MAGI1: variants seen among roughly 807,000 people sequenced by gnomAD.
MAGI1 encodes membrane associated guanylate kinase, WW and PDZ domain containing 1.
Under a neutral mutation model 139.9 loss-of-function variants are expected in MAGI1, and 58 were observed. The ratio of observed to expected loss-of-function variants is 0.41; its 90% CI spans 0.34 to 0.52. The LOEUF (loss-of-function observed/expected upper bound fraction) is 0.52. MAGI1 is among the 20% of genes least tolerant of loss of function. MAGI1 has a pLI of 0.12. For missense variants in MAGI1, 1,874 were observed against 1,901.6 expected, an observed-to-expected ratio of 0.99 and a Z score of 0.27; for synonymous variants, 812 against 737.9, an observed-to-expected ratio of 1.10 and a Z score of -1.63.
At chr3:65,716,233 G>C (rs986447427) in intron 1 of MAGI1, among the ~76,000 whole-genome samples, 30 of 152,308 alleles carry the variant, frequency 2.0e-4, no homozygotes, top group African/African-American at 6.3e-4. Context: ...CACAGAGAAT[G>C]ATACAGGGAC....
chr3:65,767,326 C>T (rs1455496642), intron 1 of MAGI1, among the ~76,000 whole-genome samples: 1 of 151,746 alleles, frequency 6.6e-6, no homozygotes, highest in Non-Finnish European at 1.5e-5. Context: ...AGACTTTAGG[C>T]CAGGGCAGTG....
At chr3:65,471,023 A>C (rs1024591599) in intron 4 of MAGI1, among the ~76,000 whole-genome samples, 1 of 152,206 alleles carries the variant, frequency 6.6e-6, no homozygotes, top group Admixed American at 6.5e-5. Context: ...ATGGTTAATT[A>C]AGCTGAAACG....
chr3:65,754,295 A>T (rs2107839009), intron 1 of MAGI1, among the ~76,000 whole-genome samples: 1 of 152,294 alleles, frequency 6.6e-6, no homozygotes, highest in South Asian at 2.1e-4. Flanking sequence ...ATTAATTTCC[A>T]TCCTCATTCA....
intron 1 of MAGI1, among the ~76,000 whole-genome samples, chr3:65,886,760 A>AT (rs1323302073): frequency 1.3e-5 from 2 of 152,248 alleles, no homozygotes; most frequent in Non-Finnish European, 2.9e-5. Context: ...AGACCGTTAC[A>AT]TAAGGTAGAA....
At chr3:65,481,847 A>C (rs181043632) in intron 3 of MAGI1, among the ~76,000 whole-genome samples, 90 of 152,348 alleles carry the variant, frequency 5.9e-4, no homozygotes, top group Non-Finnish European at 1.1e-3. Flanking sequence ...TCACTTTTCA[A>C]GTTCAAAATC....
chr3:65,387,979 A>G (rs2106953854), intron 14 of MAGI1, among the ~76,000 whole-genome samples: 1 of 152,360 alleles, frequency 6.6e-6, no homozygotes, highest in Admixed American at 6.5e-5. Context: ...TTTTGTAGTA[A>G]ATGCTACTGG....
intron 1 of MAGI1, among the ~76,000 whole-genome samples, chr3:65,727,834 G>C (rs1396936858): frequency 1.3e-5 from 2 of 152,166 alleles, no homozygotes; most frequent in African/African-American, 4.8e-5. Context: ...GAGGCAGACA[G>C]ATGATAGGAA....
intron 1 of MAGI1, among the ~76,000 whole-genome samples, chr3:65,623,553 A>G (rs749102493): frequency 1.9e-4 from 29 of 152,176 alleles, no homozygotes; most frequent in Non-Finnish European, 3.5e-4. Context: ...ACAAGATACA[A>G]ATTAGGTAAG....
intron 1 of MAGI1, among the ~76,000 whole-genome samples, chr3:65,738,506 T>C (rs928389811): frequency 1.3e-5 from 2 of 152,148 alleles, no homozygotes; most frequent in African/African-American, 2.4e-5. Flanking sequence ...TCTAGAATGG[T>C]AAATTGTTTC....
chr3:65,503,491 A>G (rs1297301307), intron 2 of MAGI1, among the ~76,000 whole-genome samples: 1 of 152,210 alleles, frequency 6.6e-6, no homozygotes, highest in Non-Finnish European at 1.5e-5. Flanking sequence ...TCTATCCCAG[A>G]TCTCAACACA....
intron 1 of MAGI1, among the ~76,000 whole-genome samples, chr3:66,031,925 G>A (rs2107599437): frequency 6.6e-6 from 1 of 152,268 alleles, no homozygotes; most frequent in Non-Finnish European, 1.5e-5. Context: ...ACGTTTAGAG[G>A]CTCACTTGTT....
intron 1 of MAGI1, among the ~76,000 whole-genome samples, chr3:65,666,165 T>C (rs1044250478): frequency 1.3e-5 from 2 of 152,198 alleles, no homozygotes; most frequent in African/African-American, 4.8e-5. Context: ...GGATTCACCA[T>C]CAACTCCCTG....
chr3:65,919,430 G>A (rs983373337), intron 1 of MAGI1, among the ~76,000 whole-genome samples: 3 of 151,736 alleles, frequency 2.0e-5, no homozygotes, highest in Non-Finnish European at 4.4e-5. Context: ...CAGGAGTGGC[G>A]CACGCTCCTG....
At chr3:65,991,852 T>C (rs1002740083) in intron 1 of MAGI1, among the ~76,000 whole-genome samples, 7 of 151,886 alleles carry the variant, frequency 4.6e-5, no homozygotes, top group Admixed American at 4.6e-4. Context: ...CCATCTCTAC[T>C]AAAAATACAA....
intron 1 of MAGI1, among the ~76,000 whole-genome samples, chr3:65,987,158 G>C (rs546266659): frequency 6.6e-6 from 1 of 152,158 alleles, no homozygotes; most frequent in Non-Finnish European, 1.5e-5. Flanking sequence ...GTGAGCTACC[G>C]CGCCTGGCCT....
In MAGI1 at chr3:65,966,902, T is replaced by C. The variant is rs188127753; in HGVS notation, c.313+71094A>G. Among the ~76,000 whole-genome samples the C allele has an allele frequency of 1.3e-4, 20 of 152,352 alleles. No individual in the cohort carries two copies. The East Asian group carries it at 2.9e-3, about 22-fold the overall frequency. ...TTACTTTAGCACTTACTCTCTTTCA[T>C]ATACCAAATGGTTAATAGACAGTAA... is the stretch of plus-strand genomic sequence containing the variant. On this transcript the variant is annotated intron_variant, in intron 1 of 22. Coordinates refer to ENST00000402939, the MANE Select transcript of MAGI1 (RefSeq NM_001033057.2).
intron 2 of MAGI1, among the ~76,000 whole-genome samples, chr3:65,601,215 T>C (rs2082467662): frequency 1.3e-5 from 2 of 152,202 alleles, no homozygotes; most frequent in Non-Finnish European, 2.9e-5. Context: ...CTGTTGGATA[T>C]AATAAAGAGG....
chr3:65,963,615 C>CTAAATAAATAAATAAA (rs200749979), intron 1 of MAGI1, among the ~76,000 whole-genome samples: 1 of 152,018 alleles, frequency 6.6e-6, no homozygotes, highest in African/African-American at 2.4e-5. Flanking sequence ...GACTCAGTCT[C>CTAAATAAATAAATAAA]TAAATAAATA....
chr3:65,824,257 G>C (rs1468501675), intron 1 of MAGI1, among the ~76,000 whole-genome samples: 5 of 152,160 alleles, frequency 3.3e-5, no homozygotes, highest in Admixed American at 2.6e-4. Context: ...AGCCCATGTG[G>C]GATCTTGGAG....
Sources: gnomAD v4.1 joint callset for allele counts (sites outside exome capture counted in the v4.1 genomes callset) on GRCh38, gnomAD v4.1.1 for gene constraint, MANE v1.5 for transcripts, NCBI Gene and HGNC (gene_info 2026-07-23, HGNC 2026-07-21) for gene names.